The following SCEL variants were observed in gnomAD, a reference collection of about 807,000 sequenced individuals.
The protein encoded by SCEL is sciellin.
In SCEL, 113 loss-of-function variants were observed where a neutral mutation model predicts 117.6. The observed-to-expected ratio is 0.96, with a 90% CI of 0.83 to 1.12. SCEL has a LOEUF of 1.12. SCEL is among the 50% of genes most tolerant of loss of function. The pLI is 0.00. For missense variants in SCEL, 785 were observed against 810.8 expected, an observed-to-expected ratio of 0.97 and a Z score of 0.39; for synonymous variants, 270 against 256.2, an observed-to-expected ratio of 1.05 and a Z score of -0.51.
intron 17 of SCEL, 41 bp downstream of exon 17, chr13:77,602,754 T>C: frequency 1.3e-6 from 2 of 1,555,132 alleles, no homozygotes; most frequent in South Asian, 1.1e-5. Flanking sequence ...GGTTATTTTC[T>C]CTCATATTAA....
intron 1 of SCEL, among the ~76,000 whole-genome samples, chr13:77,536,374 T>G (rs369657240): frequency 1.1e-4 from 16 of 152,098 alleles, no homozygotes; most frequent in African/African-American, 3.9e-4. Flanking sequence ...CTTCCCCAAA[T>G]AAGAAAATCA....
chr13:77,542,027 A>G (rs2083728010), intron 1 of SCEL, among the ~76,000 whole-genome samples: 1 of 152,168 alleles, frequency 6.6e-6, no homozygotes, highest in Non-Finnish European at 1.5e-5. Flanking sequence ...TTATTAATGA[A>G]TATTAGACCA....
chr13:77,585,067 A>C (rs1207394871), intron 9 of SCEL, among the ~76,000 whole-genome samples: 1 of 152,222 alleles, frequency 6.6e-6, no homozygotes, highest in Admixed American at 6.5e-5. Flanking sequence ...CAGATTTTGA[A>C]AGTTGCAAAT....
In SCEL at chr13:77,619,382, G is replaced by A. The variant is rs531523342; in HGVS notation, c.1628+1322G>A. Among the ~76,000 whole-genome samples the A allele has an allele frequency of 2.6e-5, 4 of 152,212 alleles. No individual in the cohort carries two copies. The South Asian group carries it at 8.3e-4, about 32-fold the overall frequency. On this transcript the variant is annotated intron_variant, in intron 27 of 32. Coordinates refer to ENST00000349847, the MANE Select transcript of SCEL (RefSeq NM_144777.3). ...GTAGAAGAAGAAACTATAGTTCAAA[G>A]GTACTAAATAACCTTTTCAAGAAAG...
intron 27 of SCEL, among the ~76,000 whole-genome samples, chr13:77,620,367 C>A (rs769859589): frequency 2.6e-5 from 4 of 152,096 alleles, no homozygotes; most frequent in Non-Finnish European, 5.9e-5. Flanking sequence ...AGAACAGTCA[C>A]AAGGCACTGT....
At chr13:77,617,156 C>G (rs944047679) in intron 24 of SCEL, among the ~76,000 whole-genome samples, 8 of 152,216 alleles carry the variant, frequency 5.3e-5, no homozygotes, top group African/African-American at 1.9e-4. Flanking sequence ...AGAAAAGTCA[C>G]AATTTTGATG....
chr13:77,568,353 G>T lies in SCEL; in HGVS notation c.398+20G>T. The T allele has an allele frequency of 6.9e-7, 1 of 1,457,120 alleles. No homozygotes were observed. 90.3% of individuals were successfully genotyped at this position (1,457,120 alleles called of 1,614,324 possible). On this transcript the variant is annotated intron_variant, in intron 7 of 32. Coordinates refer to ENST00000349847, the MANE Select transcript of SCEL (RefSeq NM_144777.3). ...AAAGTTGTATGTATTCTTTCTAATT[G>T]TAGTATATTTCTTTTTATGTATTCA...
chr13:77,555,299 G>A (rs994781440), intron 1 of SCEL, among the ~76,000 whole-genome samples: 1 of 152,092 alleles, frequency 6.6e-6, no homozygotes, highest in Non-Finnish European at 1.5e-5. Flanking sequence ...TCCATGTGGC[G>A]GTTGCCTAAA....
Position 77,568,337 on chromosome 13 carries a change from T to C in SCEL, c.398+4T>C, listed in dbSNP as rs1389219512. 2.6e-6 allele frequency: 4 copies of C among 1,543,470 alleles called. No homozygotes were observed. The African/African-American group carries it at 4.1e-5, about 16-fold the overall frequency. On this transcript the variant is annotated splice_donor_region_variant and intron_variant, in intron 7 of 32. Coordinates refer to ENST00000349847, the MANE Select transcript of SCEL (RefSeq NM_144777.3). Reference sequence around the variant, plus strand: ...GATCACTGGAAGTAACAAAGTTGTATGTATTCTTTCTAATTGTAGTATATT... The same window carrying C: ...GATCACTGGAAGTAACAAAGTTGTACGTATTCTTTCTAATTGTAGTATATT...
chr13:77,612,858 T>C (rs768407760), intron 22 of SCEL, 33 bp from the exon 23 acceptor site: 20 of 1,266,600 alleles, frequency 1.6e-5, no homozygotes, highest in Middle Eastern at 3.8e-4. Flanking sequence ...GGATTTTAGT[T>C]GACTTAGCTA....
intron 9 of SCEL, among the ~76,000 whole-genome samples, chr13:77,585,345 C>T (rs2086500521): frequency 6.6e-6 from 1 of 152,078 alleles, no homozygotes; most frequent in African/African-American, 2.4e-5. Flanking sequence ...GTCTGAAGGG[C>T]AAGGAGAGAA....
chr13:77,615,359 A>G (rs1259127551), intron 24 of SCEL, among the ~76,000 whole-genome samples: 10 of 152,108 alleles, frequency 6.6e-5, no homozygotes. Flanking sequence ...CTTAAAATAT[A>G]TAAAAATTAA....
intron 3 of SCEL, 56 bp downstream of exon 3, chr13:77,556,769 G>A: frequency 8.4e-7 from 1 of 1,197,304 alleles, no homozygotes; most frequent in Non-Finnish European, 1.2e-6. Context: ...GGCATTATCT[G>A]TTTGGGAAGC....
chr13:77,641,745 A>G (rs1350673527), intron 31 of SCEL, among the ~76,000 whole-genome samples: 1 of 152,198 alleles, frequency 6.6e-6, no homozygotes, highest in East Asian at 1.9e-4. Context: ...GATACAAATG[A>G]TCAAATCCAG....
intron 12 of SCEL, among the ~76,000 whole-genome samples, chr13:77,595,980 C>T (rs2146876): frequency 0.45 from 67,872 of 152,014 alleles, 16,974 homozygotes; most frequent in Middle Eastern, 0.57. Context: ...TTGCATCTCT[C>T]TCTAAAGGCT....
chr13:77,589,400 G>T (rs1475290130), intron 10 of SCEL, among the ~76,000 whole-genome samples, 176 bp downstream of exon 10: 1 of 152,130 alleles, frequency 6.6e-6, no homozygotes, highest in African/African-American at 2.4e-5. Context: ...ATTTATGTTT[G>T]TCTTTGAATA....
At chr13:77,600,499 T>A (rs1438175265) in intron 15 of SCEL, among the ~76,000 whole-genome samples, 1 of 152,178 alleles carries the variant, frequency 6.6e-6, no homozygotes, top group Admixed American at 6.5e-5. Flanking sequence ...TTCATATGTA[T>A]ATCTCTTCAT....
intron 1 of SCEL, among the ~76,000 whole-genome samples, chr13:77,553,118 G>A (rs893749075): frequency 2.0e-5 from 3 of 152,168 alleles, no homozygotes; most frequent in East Asian, 1.9e-4. Flanking sequence ...AGATACTAGC[G>A]GTGGAAACTT....
intron 22 of SCEL, among the ~76,000 whole-genome samples, chr13:77,611,853 G>A (rs1266960247): frequency 1.3e-5 from 2 of 152,126 alleles, no homozygotes; most frequent in East Asian, 1.9e-4. Flanking sequence ...TAGTGTTCAA[G>A]TGCTTATTAG....
Sources: allele counts gnomAD v4.1 joint callset (sites outside exome capture counted in the v4.1 genomes callset), GRCh38; gene constraint gnomAD v4.1.1; transcripts MANE v1.5; gene names NCBI Gene and HGNC (gene_info 2026-07-23, HGNC 2026-07-21).